Variants in METTL8 observed in about 807,000 individuals in gnomAD.
METTL8 encodes the protein methyltransferase 8, tRNA N3-cytidine.
A neutral mutation model predicts 48.7 loss-of-function variants in METTL8; 32 were observed. That is an observed-to-expected ratio of 0.66 (90% confidence interval 0.50 to 0.88). The LOEUF (loss-of-function observed/expected upper bound fraction) is 0.88, where lower values mean the gene tolerates loss of function less well. Among genes scored for constraint, METTL8 ranks in the 40% least tolerant of loss-of-function variants. METTL8 has a pLI of 0.00. For missense variants in METTL8, 464 were observed against 474.4 expected (o/e 0.98, Z 0.20); for synonymous variants, 136 against 157.1 (o/e 0.87, Z 1.01).
intron 1 of METTL8, among the ~76,000 whole-genome samples, chr2:171,410,994 G>T (rs1302753907): frequency 6.6e-6 from 1 of 152,134 alleles, no homozygotes; most frequent in African/African-American, 2.4e-5. Flanking sequence ...TTTTTAAAAA[G>T]TGTTTTTATT....
intron 1 of METTL8, among the ~76,000 whole-genome samples, chr2:171,428,697 G>C (rs1449868637): frequency 6.6e-6 from 1 of 152,158 alleles, no homozygotes; most frequent in African/African-American, 2.4e-5. Flanking sequence ...TGCCACAACA[G>C]TATACACAGT....
chr2:171,400,964 T>C (rs905227743), intron 1 of METTL8, among the ~76,000 whole-genome samples: 7 of 152,116 alleles, frequency 4.6e-5, no homozygotes, highest in Non-Finnish European at 8.8e-5. Flanking sequence ...GGGAGAGGAA[T>C]TGCTATTAAC....
intron 3 of METTL8, among the ~76,000 whole-genome samples, chr2:171,341,549 T>C: frequency 6.6e-6 from 1 of 151,078 alleles, no homozygotes; most frequent in Non-Finnish European, 1.5e-5. Context: ...CGTTCCTTTT[T>C]TTTCCCTTTT....
intron 2 of METTL8, among the ~76,000 whole-genome samples, chr2:171,363,817 T>TATATATATGTATATATATATATA: frequency 7.8e-6 from 1 of 129,024 alleles, no homozygotes; most frequent in Admixed American, 7.8e-5. Context: ...TATATATATC[T>TATATATATGTATATATATATATA]TTTTTTTTTT....
intron 1 of METTL8, among the ~76,000 whole-genome samples, chr2:171,430,311 TAG>T: frequency 6.6e-6 from 1 of 151,416 alleles, no homozygotes; most frequent in Non-Finnish European, 1.5e-5. Flanking sequence ...TGAGCCGAGA[TAG>T]CCCCACCGCA....
At chr2:171,387,813 T>C (rs1237084436) in intron 2 of METTL8, among the ~76,000 whole-genome samples, 1 of 152,088 alleles carries the variant, frequency 6.6e-6, no homozygotes, top group Non-Finnish European at 1.5e-5. Context: ...AAAAAATCAA[T>C]GTATTCCCTT....
intron 2 of METTL8, among the ~76,000 whole-genome samples, chr2:171,373,256 G>A (rs1236838288): frequency 6.6e-6 from 1 of 152,196 alleles, no homozygotes; most frequent in Admixed American, 6.5e-5. Context: ...ATTTTTTCAT[G>A]TGTCTGTCGG....
intron 1 of METTL8, among the ~76,000 whole-genome samples, chr2:171,415,281 T>C (rs1472234127): frequency 2.0e-5 from 3 of 151,992 alleles, no homozygotes; most frequent in Non-Finnish European, 4.4e-5. Flanking sequence ...GTAGAATTTA[T>C]AGCAGTTGTC....
intron 5 of METTL8, chr2:171,332,751 C>T (rs1371944827): frequency 1.3e-5 from 2 of 152,138 alleles, no homozygotes; most frequent in Non-Finnish European, 2.9e-5. Context: ...TGGTTTTATA[C>T]AACTTCTACA....
chr2:171,369,027 C>A (rs1449290292), intron 2 of METTL8, among the ~76,000 whole-genome samples: 2 of 151,992 alleles, frequency 1.3e-5, no homozygotes, highest in Non-Finnish European at 2.9e-5. Flanking sequence ...CCTCTCCAGC[C>A]AGGCGCGGTG....
chr2:171,337,429 A>G (rs1316053707), intron 5 of METTL8, 24 bp downstream of exon 5: 1 of 1,552,396 alleles, frequency 6.4e-7, no homozygotes, highest in Admixed American at 1.9e-5. Context: ...AAAATTCTGT[A>G]GAAAGAAAAC....
intron 1 of METTL8, among the ~76,000 whole-genome samples, chr2:171,429,933 G>A (rs551891881): frequency 1.4e-4 from 22 of 152,076 alleles, no homozygotes; most frequent in African/African-American, 2.2e-4. Flanking sequence ...CCAGCTACTC[G>A]GGAGGCTAAG....
chr2:171,382,108 C>A (rs59599047), intron 2 of METTL8, among the ~76,000 whole-genome samples: 11,240 of 151,958 alleles, frequency 0.074, 550 homozygotes, highest in African/African-American at 0.14. Context: ...TGTTGGTGGG[C>A]ATGTAAATTA....
intron 1 of METTL8, among the ~76,000 whole-genome samples, chr2:171,419,487 G>A (rs1691662048): frequency 6.6e-6 from 1 of 152,088 alleles, no homozygotes. Context: ...TCACCATCCA[G>A]TTAATAATTG....
intron 1 of METTL8, among the ~76,000 whole-genome samples, chr2:171,393,868 A>C (rs1446460523): frequency 6.6e-6 from 1 of 152,234 alleles, no homozygotes; most frequent in Non-Finnish European, 1.5e-5. Flanking sequence ...TGTACTTTTA[A>C]ACATAAAATT....
At chr2:171,331,937 G>A (rs1292668224) in intron 5 of METTL8, 70 bp from the exon 6 acceptor site, 3 of 1,092,086 alleles carry the variant, frequency 2.7e-6, no homozygotes, top group East Asian at 2.6e-5. Context: ...CCAGGTTGGA[G>A]TGTAGTAACG....
At chr2:171,353,438 T>C (rs1187723373) in intron 3 of METTL8, among the ~76,000 whole-genome samples, 1 of 152,228 alleles carries the variant, frequency 6.6e-6, no homozygotes, top group Non-Finnish European at 1.5e-5. Flanking sequence ...GAAGAATGTA[T>C]GTTCTGTTGA....
intron 2 of METTL8, among the ~76,000 whole-genome samples, chr2:171,362,955 A>T (rs78395994): frequency 6.6e-6 from 1 of 152,142 alleles, no homozygotes; most frequent in Non-Finnish European, 1.5e-5. Context: ...GCTAGGGATG[A>T]GTTTTTCATC....
At chr2:171,374,788 A>C in intron 2 of METTL8, 1 of 637,920 alleles carries the variant, frequency 1.6e-6, no homozygotes, top group Non-Finnish European at 2.8e-6. Context: ...TTCACTCAGC[A>C]TAATTATTCT....
Sources: allele counts gnomAD v4.1 joint callset (sites outside exome capture counted in the v4.1 genomes callset), GRCh38; gene constraint gnomAD v4.1.1; transcripts MANE v1.5; gene names NCBI Gene and HGNC (gene_info 2026-07-23, HGNC 2026-07-21).